The following GRM3 variants were observed in gnomAD, a reference collection of about 807,000 sequenced individuals.
GRM3 encodes metabotropic glutamate receptor 3.
A neutral mutation model predicts 70.5 loss-of-function variants in GRM3; 26 were observed. The observed-to-expected ratio is 0.37, with a 90% CI of 0.27 to 0.51. The LOEUF is 0.51. GRM3 is among the 20% of genes least tolerant of loss of function. The pLI, the probability that GRM3 is intolerant of heterozygous loss-of-function variation, is 0.93. For synonymous variants in GRM3, 443 were observed against 434.9 expected (o/e 1.02, Z -0.23); for missense variants, 859 against 1,123.8 (o/e 0.76, Z 3.37).
Position 86,668,523 on chromosome 7 carries a change from T to G in GRM3, c.-141+23651T>G, listed in dbSNP as rs76073812. Among the ~76,000 whole-genome samples, 985 of 152,240 alleles carry G rather than the reference T, an allele frequency of 6.5e-3. 14 individuals carry two copies. The highest frequency in any genetic ancestry group is 0.011 in the Non-Finnish European group (720 of 67,998). On this transcript the variant is annotated intron_variant, in intron 1 of 5. Transcript: ENST00000361669. ...TTTTCTCTCACATGCTAATGAGGCATTCTCTTCAGCTACCACAACTTCATA... is the reference window on the plus strand; with the variant it reads ...TTTTCTCTCACATGCTAATGAGGCAGTCTCTTCAGCTACCACAACTTCATA...
At chr7:86,856,557 T>C (rs1160162188) in intron 5 of GRM3, among the ~76,000 whole-genome samples, 1 of 151,916 alleles carries the variant, frequency 6.6e-6, no homozygotes, top group Non-Finnish European at 1.5e-5. Flanking sequence ...CACTTTTACC[T>C]ATGTAACACA....
chr7:86,815,696 G>A (rs911605096), intron 3 of GRM3, among the ~76,000 whole-genome samples: 1 of 151,856 alleles, frequency 6.6e-6, no homozygotes, highest in Non-Finnish European at 1.5e-5. Context: ...AGCCACTTAT[G>A]AGAGTGAAAA....
chr7:86,707,527 T>A (rs918550987), intron 1 of GRM3, among the ~76,000 whole-genome samples: 1 of 152,026 alleles, frequency 6.6e-6, no homozygotes, highest in Non-Finnish European at 1.5e-5. Flanking sequence ...TTATCTGACA[T>A]CAACTTGCTT....
At chr7:86,698,089 AAC>A (rs780141753) in intron 1 of GRM3, among the ~76,000 whole-genome samples, 2 of 152,118 alleles carry the variant, frequency 1.3e-5, no homozygotes, top group Non-Finnish European at 2.9e-5. Context: ...ATTAAACTGA[AAC>A]AGACATTTTA....
chr7:86,653,532 CT>C (rs1327807893), intron 1 of GRM3, among the ~76,000 whole-genome samples: 1 of 152,150 alleles, frequency 6.6e-6, no homozygotes, highest in Non-Finnish European at 1.5e-5. Context: ...AATAGATTTT[CT>C]AGAAATGTCC....
At chr7:86,767,539 A>G (rs1225934846) in intron 2 of GRM3, among the ~76,000 whole-genome samples, 1 of 140,876 alleles carries the variant, frequency 7.1e-6, no homozygotes, top group Non-Finnish European at 1.5e-5. Flanking sequence ...ATATATATAT[A>G]TATATATATA....
At chr7:86,796,015 T>C (rs537821091) in intron 3 of GRM3, among the ~76,000 whole-genome samples, 1 of 152,326 alleles carries the variant, frequency 6.6e-6, no homozygotes, top group East Asian at 1.9e-4. Context: ...TTCCGTAGGT[T>C]GGTTGTTCAG....
intron 3 of GRM3, among the ~76,000 whole-genome samples, chr7:86,837,741 A>G (rs1215631742): frequency 6.6e-6 from 1 of 152,212 alleles, no homozygotes; most frequent in Non-Finnish European, 1.5e-5. Context: ...GACACCCAGC[A>G]ACCAAAATCT....
At chr7:86,803,323 G>T (rs1189369493) in intron 3 of GRM3, among the ~76,000 whole-genome samples, 2 of 152,134 alleles carry the variant, frequency 1.3e-5, no homozygotes, top group Non-Finnish European at 2.9e-5. Flanking sequence ...AACTTACCCT[G>T]TTATGAATCC....
At chr7:86,748,905 T>C (rs981193681) in intron 1 of GRM3, among the ~76,000 whole-genome samples, 6 of 152,182 alleles carry the variant, frequency 3.9e-5, no homozygotes, top group African/African-American at 1.2e-4. Flanking sequence ...CAGTTAATAA[T>C]AGTGAATTCC....
rs192972546 is a variant in GRM3 at position 86,690,107 on chromosome 7, C to T, written c.-141+45235C>T. Among the ~76,000 whole-genome samples, 193 of 152,174 alleles carry T rather than the reference C, an allele frequency of 1.3e-3. 1 individual carries two copies. The highest frequency in any genetic ancestry group is 4.5e-3 in the African/African-American group (186 of 41,530). On this transcript the variant is annotated intron_variant, in intron 1 of 5. Coordinates refer to ENST00000361669, the MANE Select transcript of GRM3 (RefSeq NM_000840.3). ...ACGACAAACAATGACAGGCAAGGGG[C>T]CTGTTTTAGACAGATGGGTCCTAGG...
At chr7:86,804,530 C>T (rs1797747684) in intron 3 of GRM3, among the ~76,000 whole-genome samples, 1 of 152,182 alleles carries the variant, frequency 6.6e-6, no homozygotes, top group East Asian at 1.9e-4. Flanking sequence ...CAGCCTCAGC[C>T]TCCTGAGTAG....
chr7:86,744,241 G>A (rs778761846), intron 1 of GRM3, among the ~76,000 whole-genome samples: 9 of 151,936 alleles, frequency 5.9e-5, no homozygotes, highest in Admixed American at 2.6e-4. Flanking sequence ...TAGAGAATGT[G>A]GAAGCTTTAC....
At chr7:86,798,078 A>G (rs1797595285) in intron 3 of GRM3, among the ~76,000 whole-genome samples, 1 of 152,168 alleles carries the variant, frequency 6.6e-6, no homozygotes, top group Non-Finnish European at 1.5e-5. Flanking sequence ...GTCCAGGGAG[A>G]GGTGTGCTGC....
At chr7:86,794,314 G>T (rs1797497018) in intron 3 of GRM3, among the ~76,000 whole-genome samples, 1 of 152,094 alleles carries the variant, frequency 6.6e-6, no homozygotes, top group Non-Finnish European at 1.5e-5. Context: ...ATTTTCAGTA[G>T]GTTCAGAAAA....
chr7:86,746,198 T>A (rs1796097508), intron 1 of GRM3, among the ~76,000 whole-genome samples: 1 of 151,510 alleles, frequency 6.6e-6, no homozygotes, highest in Admixed American at 6.6e-5. Flanking sequence ...ATTTTGTGAG[T>A]ACTTTGTTGA....
chr7:86,784,986 C>G (rs1447354029), intron 2 of GRM3, among the ~76,000 whole-genome samples: 1 of 152,172 alleles, frequency 6.6e-6, no homozygotes, highest in Non-Finnish European at 1.5e-5. Context: ...TATGATTAAT[C>G]GGGGCTCAGA....
chr7:86,709,847 G>A (rs553257513), intron 1 of GRM3, among the ~76,000 whole-genome samples: 3 of 152,134 alleles, frequency 2.0e-5, no homozygotes, highest in Admixed American at 6.6e-5. Flanking sequence ...CTTAGTAGAT[G>A]TAGTGAGACA....
chr7:86,857,451 C>G (rs1562884130), intron 5 of GRM3, among the ~76,000 whole-genome samples: 1 of 152,072 alleles, frequency 6.6e-6, no homozygotes, highest in Non-Finnish European at 1.5e-5. Flanking sequence ...TAAATTTTGG[C>G]TGTGTGGGCA....
Sources: allele counts gnomAD v4.1 joint callset (sites outside exome capture counted in the v4.1 genomes callset), GRCh38; gene constraint gnomAD v4.1.1; transcripts MANE v1.5; gene names NCBI Gene and HGNC (gene_info 2026-07-23, HGNC 2026-07-21).